Variants in NAALADL2 observed in about 807,000 individuals in gnomAD.
NAALADL2 encodes inactive N-acetylated-alpha-linked acidic dipeptidase-like protein 2.
Under a neutral mutation model 87.2 loss-of-function variants are expected in NAALADL2, and 76 were observed. The observed-to-expected ratio is 0.87, with a 90% CI of 0.72 to 1.05. The LOEUF is 1.05. NAALADL2 is among the 50% of genes least tolerant of loss of function. The pLI is 0.00. For synonymous variants in NAALADL2, 354 were observed against 331.0 expected, an observed-to-expected ratio of 1.07 and a Z score of -0.75; for missense variants, 1,089 against 945.8, an observed-to-expected ratio of 1.15 and a Z score of -1.99.
rs976654287 is a variant in NAALADL2 at position 174,907,034 on chromosome 3, C to G, written c.43+47584C>G. Among the ~76,000 whole-genome samples the G allele has an allele frequency of 2.6e-5, 4 of 152,140 alleles. No individual in the cohort carries two copies. In the East Asian group the frequency reaches 5.8e-4, roughly 22 times the overall value. On this transcript the variant is annotated intron_variant, in intron 1 of 13. Coordinates refer to ENST00000454872, the MANE Select transcript of NAALADL2 (RefSeq NM_207015.3). ...AAAATTTCACAGATAACTCATAACT[C>G]TTTGTGCCTAGTAAATCAGGCCTCC... is the stretch of plus-strand genomic sequence containing the variant.
At chr3:174,969,105 A>C (rs1393304986) in intron 1 of NAALADL2, among the ~76,000 whole-genome samples, 4 of 152,232 alleles carry the variant, frequency 2.6e-5, no homozygotes, top group African/African-American at 7.2e-5. Context: ...ATGGGGCCCT[A>C]AGCCTCAAAT....
intron 3 of NAALADL2, among the ~76,000 whole-genome samples, chr3:174,791,267 A>C (rs1717426705): frequency 6.6e-6 from 1 of 152,164 alleles, no homozygotes; most frequent in African/African-American, 2.4e-5. Flanking sequence ...CTCCTGTGCA[A>C]CTGCTGTGGT....
intron 3 of NAALADL2, among the ~76,000 whole-genome samples, chr3:174,832,066 G>C (rs1241989421): frequency 3.9e-5 from 6 of 151,954 alleles, no homozygotes; most frequent in Admixed American, 3.9e-4. Context: ...CCAGCTCCTG[G>C]GTTCATTAAT....
chr3:174,940,438 C>A (rs1738402677), intron 1 of NAALADL2, among the ~76,000 whole-genome samples: 1 of 152,116 alleles, frequency 6.6e-6, no homozygotes, highest in Admixed American at 6.5e-5. Context: ...ATTTTTGCAT[C>A]TGTGTTCATC....
At chr3:175,359,095 A>G (rs1356872103) in intron 5 of NAALADL2, among the ~76,000 whole-genome samples, 1 of 152,072 alleles carries the variant, frequency 6.6e-6, no homozygotes, top group Non-Finnish European at 1.5e-5. Context: ...CTATCCACCA[A>G]TGCTCATTGC....
chr3:174,678,412 T>A (rs1369996545), intron 2 of NAALADL2, among the ~76,000 whole-genome samples: 2 of 152,174 alleles, frequency 1.3e-5, no homozygotes, highest in East Asian at 1.9e-4. Context: ...TGCCCAGTTA[T>A]ACTTTATGCT....
chr3:174,748,118 A>C (rs996679182), intron 3 of NAALADL2, among the ~76,000 whole-genome samples: 2 of 152,104 alleles, frequency 1.3e-5, no homozygotes, highest in Non-Finnish European at 1.5e-5. Context: ...CAATGAGAAC[A>C]CATAGACACA....
chr3:175,705,175 C>T (rs891654984), intron 11 of NAALADL2, among the ~76,000 whole-genome samples: 2 of 152,038 alleles, frequency 1.3e-5, no homozygotes, highest in Non-Finnish European at 2.9e-5. Context: ...GAGAGGACCT[C>T]ACATCAACCT....
chr3:174,799,742 G>C (rs1284379808), intron 3 of NAALADL2, among the ~76,000 whole-genome samples: 1 of 152,178 alleles, frequency 6.6e-6, no homozygotes, highest in Non-Finnish European at 1.5e-5. Flanking sequence ...GAATAGTTTG[G>C]AGGGCTGAGA....
intron 9 of NAALADL2, among the ~76,000 whole-genome samples, chr3:175,556,891 T>G (rs1715364840): frequency 6.6e-6 from 1 of 152,188 alleles, no homozygotes; most frequent in Admixed American, 6.5e-5. Context: ...AGGAAAAGTC[T>G]TACTGCTCTC....
rs549849310 is a variant in NAALADL2, at chr3:175,803,107, A to G, written c.2292A>G (p.Glu764=). The G allele has an allele frequency of 1.9e-6, 3 of 1,612,454 alleles. No individual in the cohort carries two copies. The Admixed American group carries it at 5.0e-5, about 27-fold the overall frequency. The change falls in exon 14 of 14, where the codon GAA becomes GAG. Residue 764 remains glutamate (E), a synonymous_variant. Coordinates refer to ENST00000454872, the MANE Select transcript of NAALADL2 (RefSeq NM_207015.3). ...TTGCATCAAATGAGACCCTTCAAGA[A>G]GCCCTGTCAGAGGTGTTGAACAGCA... ...KPLASNETLQ[E]ALSEVLNSIN... is the part of the protein sequence containing the mutation.
chr3:174,507,897 T>A lies in NAALADL2; in HGVS notation c.-183-42672T>A, dbSNP rs148195488. 4.5e-3 allele frequency among the ~76,000 whole-genome samples: 688 copies of A among 152,180 alleles called. 20 individuals carry two copies. The highest frequency in any genetic ancestry group is 9.6e-3 in the East Asian group (50 of 5,182). ...CATGCATGGATATAAGTTTTTATTT[T>A]CCTAGGGTAAATTAAAAAGAAGTGA... On this transcript the variant is annotated intron_variant, in intron 1 of 3. Coordinates refer to the NAALADL2 transcript ENST00000434257.
At chr3:174,979,009 A>G (rs1208606515) in intron 1 of NAALADL2, among the ~76,000 whole-genome samples, 2 of 152,148 alleles carry the variant, frequency 1.3e-5, no homozygotes, top group East Asian at 3.9e-4. Context: ...TTTTGGGTGA[A>G]AGGAGCCAGG....
At chr3:175,088,124 A>T (rs1214860827) in intron 1 of NAALADL2, among the ~76,000 whole-genome samples, 1 of 152,172 alleles carries the variant, frequency 6.6e-6, no homozygotes, top group Non-Finnish European at 1.5e-5. Context: ...CCATGCAGTT[A>T]ATCTAGAACT....
chr3:175,113,727 G>A (rs1452995682), intron 2 of NAALADL2, among the ~76,000 whole-genome samples: 3 of 151,540 alleles, frequency 2.0e-5, no homozygotes, highest in Non-Finnish European at 4.4e-5. Context: ...TTTATAACAG[G>A]AGAGGAAACT....
chr3:175,754,895 G>A (rs938253523), intron 12 of NAALADL2, among the ~76,000 whole-genome samples: 3 of 152,126 alleles, frequency 2.0e-5, no homozygotes, highest in Non-Finnish European at 2.9e-5. Flanking sequence ...ATTTACTGTT[G>A]TTATTATTAT....
At chr3:175,550,149 G>A (rs1714096363) in intron 9 of NAALADL2, among the ~76,000 whole-genome samples, 1 of 152,086 alleles carries the variant, frequency 6.6e-6, no homozygotes, top group Non-Finnish European at 1.5e-5. Flanking sequence ...AATTTTTATT[G>A]AGGGGGAAGT....
intron 1 of NAALADL2, among the ~76,000 whole-genome samples, chr3:174,861,451 G>A (rs67913531): frequency 0.11 from 17,464 of 152,004 alleles, 1,098 homozygotes; most frequent in Middle Eastern, 0.15. Flanking sequence ...ATTTTCTAGT[G>A]TTCAATTTCA....
At chr3:175,498,552 A>G (rs6797675) in intron 9 of NAALADL2, among the ~76,000 whole-genome samples, 4,901 of 152,180 alleles carry the variant, frequency 0.032, 283 homozygotes, top group African/African-American at 0.11. Flanking sequence ...TTGTAGTACC[A>G]TGTGGGATAT....
Sources: gnomAD v4.1 joint callset for allele counts (sites outside exome capture counted in the v4.1 genomes callset) on GRCh38, gnomAD v4.1.1 for gene constraint, MANE v1.5 for transcripts, NCBI Gene and HGNC (gene_info 2026-07-23, HGNC 2026-07-21) for gene names.